CDH12: variants seen among roughly 807,000 people sequenced by gnomAD.
The protein encoded by CDH12 is cadherin 12.
CDH12 carries 41 observed loss-of-function variants against 74.1 expected under a neutral mutation model. The ratio of observed to expected loss-of-function variants is 0.55; its 90% CI spans 0.43 to 0.72. The LOEUF is 0.72. CDH12 is among the 30% of genes least tolerant of loss of function. The pLI is 0.00. For missense variants in CDH12, 945 were observed against 977.2 expected (o/e 0.97, Z 0.44); for synonymous variants, 399 against 355.0 (o/e 1.12, Z -1.39).
chr5:22,236,787 A>G (rs1349922307), intron 3 of CDH12, among the ~76,000 whole-genome samples: 1 of 151,892 alleles, frequency 6.6e-6, no homozygotes, highest in Non-Finnish European at 1.5e-5. Context: ...ACAAACATTA[A>G]CCTAAACCTT....
chr5:22,536,391 A>G (rs936555734), intron 1 of CDH12, among the ~76,000 whole-genome samples: 15 of 152,300 alleles, frequency 9.8e-5, no homozygotes, highest in Middle Eastern at 3.4e-3. Flanking sequence ...CATAAATGTT[A>G]GCAATTGTTG....
chr5:21,985,442 C>T (rs181741151), intron 5 of CDH12, among the ~76,000 whole-genome samples: 4,161 of 152,188 alleles, frequency 0.027, 91 homozygotes, highest in Middle Eastern at 0.11. Context: ...AGGATACTCT[C>T]AGTACATTTT....
chr5:22,797,811 CCTTA>C (rs72214341), intron 1 of CDH12, among the ~76,000 whole-genome samples: 8,299 of 151,986 alleles, frequency 0.055, 322 homozygotes, highest in East Asian at 0.16. Context: ...ATTTTGAATT[CCTTA>C]CTATTTGTGT....
chr5:22,402,777 T>C (rs1742783130), intron 3 of CDH12, among the ~76,000 whole-genome samples: 1 of 152,168 alleles, frequency 6.6e-6, no homozygotes, highest in Admixed American at 6.6e-5. Context: ...GGTGTGTGAT[T>C]CATGGATCCA....
At chr5:22,099,505 T>C (rs867084888) in intron 4 of CDH12, among the ~76,000 whole-genome samples, 1 of 152,268 alleles carries the variant, frequency 6.6e-6, no homozygotes, top group Non-Finnish European at 1.5e-5. Context: ...GTATGGACAC[T>C]CCTTTTTATT....
intron 1 of CDH12, among the ~76,000 whole-genome samples, chr5:22,563,055 A>AAT (rs1204918390): frequency 1.4e-5 from 2 of 147,364 alleles, no homozygotes; most frequent in African/African-American, 4.9e-5. Flanking sequence ...GATATATTTA[A>AAT]ATATATATAG....
chr5:22,805,444 G>A (rs564890434), intron 1 of CDH12, among the ~76,000 whole-genome samples: 1 of 152,032 alleles, frequency 6.6e-6, no homozygotes, highest in African/African-American at 2.4e-5. Context: ...ATCTAAAAGA[G>A]AGGATTATAA....
chr5:22,709,673 T>C (rs1232046387), intron 1 of CDH12, among the ~76,000 whole-genome samples: 2 of 152,116 alleles, frequency 1.3e-5, no homozygotes, highest in Non-Finnish European at 2.9e-5. Context: ...ACAATAGATG[T>C]TAAGTTAAAA....
rs137921847 is a variant in CDH12, at chr5:22,245,935, T to G, written c.-332-33292A>C. 4.6e-3 allele frequency among the ~76,000 whole-genome samples: 707 copies of G among 152,224 alleles called. 6 individuals are homozygous for G. Among genetic ancestry groups the G allele is most frequent in the Non-Finnish European group, 7.9e-3 (539 of 67,994 alleles). On this transcript the variant is annotated intron_variant, in intron 3 of 14. Coordinates refer to ENST00000382254, the MANE Select transcript of CDH12 (RefSeq NM_004061.5). ...TAGAAAGATTTATGACCTAGAACAC[T>G]CATGATGAATATGCAACTTCCCTCT...
At chr5:22,536,608 T>C (rs1288243536) in intron 1 of CDH12, among the ~76,000 whole-genome samples, 7 of 152,224 alleles carry the variant, frequency 4.6e-5, no homozygotes, top group Non-Finnish European at 1.5e-5. Context: ...TAAAATATTG[T>C]TGTACTAATT....
chr5:22,278,278 G>A (rs944012427), intron 3 of CDH12, among the ~76,000 whole-genome samples: 1 of 152,198 alleles, frequency 6.6e-6, no homozygotes, highest in African/African-American at 2.4e-5. Context: ...TGACATTTAA[G>A]ATCTGAGGTT....
At chr5:22,124,131 T>C (rs1745692045) in intron 4 of CDH12, among the ~76,000 whole-genome samples, 1 of 151,436 alleles carries the variant, frequency 6.6e-6, no homozygotes, top group South Asian at 2.1e-4. Flanking sequence ...CACTCCCTGC[T>C]GATTATTATT....
chr5:22,057,999 TTCTATCTA>T (rs79909356), intron 5 of CDH12, among the ~76,000 whole-genome samples: 7,183 of 149,334 alleles, frequency 0.048, 181 homozygotes, highest in African/African-American at 0.059. Flanking sequence ...TTTCCTTGTA[TTCTATCTA>T]TCTATCTATC....
chr5:22,272,228 G>A (rs999727858), intron 3 of CDH12, among the ~76,000 whole-genome samples: 22 of 152,162 alleles, frequency 1.4e-4, no homozygotes, highest in African/African-American at 5.3e-4. Context: ...TTATGGAGAT[G>A]ACTTATTCCT....
At chr5:21,902,085 T>C (rs1753415749) in intron 6 of CDH12, among the ~76,000 whole-genome samples, 1 of 152,030 alleles carries the variant, frequency 6.6e-6, no homozygotes, top group African/African-American at 2.4e-5. Flanking sequence ...TTATGCACTA[T>C]ACGCAAAGCA....
rs575466453 is a variant in CDH12, at chr5:22,746,179, C to A, written c.-523+106879G>T. Among the ~76,000 whole-genome samples, 5 of 152,216 alleles carry A rather than the reference C, an allele frequency of 3.3e-5. No individual in the cohort carries two copies. In the South Asian group the frequency reaches 1.0e-3, roughly 32 times the overall value. On this transcript the variant is annotated intron_variant, in intron 1 of 14. Coordinates refer to ENST00000382254, the MANE Select transcript of CDH12 (RefSeq NM_004061.5). ...CAATTGGTATATATAGAAGTTGTAT[C>A]TCTGCTGAGTACCACCTAAAGTAGG...
rs902294640 is a variant in CDH12 at position 22,463,328 on chromosome 5, C to A, written c.-428+41942G>T. 5.3e-5 allele frequency among the ~76,000 whole-genome samples: 8 copies of A among 152,120 alleles called. No homozygotes were observed. In the East Asian group the frequency reaches 1.5e-3, roughly 29 times the overall value. ...TATTTCTTAATTCATTTTCTAAAAGCCTACTCAATGAAATGTGAATGCTAA... is the reference window on the plus strand; with the variant it reads ...TATTTCTTAATTCATTTTCTAAAAGACTACTCAATGAAATGTGAATGCTAA... On this transcript the variant is annotated intron_variant, in intron 2 of 14. Coordinates refer to ENST00000382254, the MANE Select transcript of CDH12 (RefSeq NM_004061.5).
chr5:22,621,381 G>T (rs2126840586), intron 1 of CDH12, among the ~76,000 whole-genome samples: 1 of 152,190 alleles, frequency 6.6e-6, no homozygotes, highest in African/African-American at 2.4e-5. Context: ...TGCCTAGCAA[G>T]AACAATATTC....
chr5:22,455,945 C>G (rs917503603), intron 2 of CDH12, among the ~76,000 whole-genome samples: 1 of 152,126 alleles, frequency 6.6e-6, no homozygotes, highest in Admixed American at 6.6e-5. Flanking sequence ...TGATGTTCAA[C>G]ATCTGGCTCT....
Sources: allele counts gnomAD v4.1 joint callset (sites outside exome capture counted in the v4.1 genomes callset), GRCh38; gene constraint gnomAD v4.1.1; transcripts MANE v1.5; gene names NCBI Gene and HGNC (gene_info 2026-07-23, HGNC 2026-07-21).